The following RIT2 variants were observed in gnomAD, a reference collection of about 807,000 sequenced individuals.
RIT2 encodes Ras like without CAAX 2.
RIT2 carries 24 observed loss-of-function variants against 23.7 expected under a neutral mutation model. That is an observed-to-expected ratio of 1.01 (90% CI 0.73 to 1.43). RIT2 has a LOEUF of 1.43. Ranked by LOEUF, RIT2 falls within the 40% of genes most tolerant of loss-of-function variation. RIT2 has a pLI of 0.00. For missense variants in RIT2, 236 were observed against 266.9 expected (o/e 0.88, Z 0.81); for synonymous variants, 107 against 91.1 (o/e 1.17, Z -0.99).
In RIT2 at chr18:43,041,230, G is replaced by T. The variant is rs530128020; in HGVS notation, c.104-7363C>A. Reference sequence around the variant, plus strand: ...TTTATGGATACAAAGAAAGTGAAGAGTGTGTATGAGTAGAGAAGACATTGG... The same window carrying T: ...TTTATGGATACAAAGAAAGTGAAGATTGTGTATGAGTAGAGAAGACATTGG... On this transcript the variant is annotated intron_variant, in intron 1 of 4. Transcript: ENST00000326695. Among the ~76,000 whole-genome samples, 110 of 152,274 alleles carry T rather than the reference G, an allele frequency of 7.2e-4. No homozygotes were observed. The South Asian group carries it at 8.9e-3, about 12-fold the overall frequency.
At chr18:42,776,333 T>G (rs575175596) in intron 4 of RIT2, among the ~76,000 whole-genome samples, 4 of 152,310 alleles carry the variant, frequency 2.6e-5, no homozygotes, top group Admixed American at 2.6e-4. Context: ...AACCTGTAGT[T>G]AGCTCTTGAT....
At chr18:43,061,210 G>A (rs1912636840) in intron 1 of RIT2, among the ~76,000 whole-genome samples, 1 of 152,020 alleles carries the variant, frequency 6.6e-6, no homozygotes. Context: ...GGCTCTCTAA[G>A]ACATTTCAAG....
intron 4 of RIT2, among the ~76,000 whole-genome samples, chr18:42,814,812 C>A (rs999578193): frequency 6.6e-5 from 10 of 152,122 alleles, no homozygotes; most frequent in Admixed American, 1.3e-4. Flanking sequence ...TTACAGAGTC[C>A]ATTCTCCTCT....
intron 4 of RIT2, among the ~76,000 whole-genome samples, chr18:42,900,359 A>C (rs2144105590): frequency 6.6e-6 from 1 of 152,232 alleles, no homozygotes; most frequent in East Asian, 1.9e-4. Flanking sequence ...CTAAATGAAA[A>C]GTCAGGTTAT....
intron 4 of RIT2, among the ~76,000 whole-genome samples, chr18:42,886,261 G>A (rs1349284090): frequency 6.6e-6 from 1 of 152,106 alleles, no homozygotes; most frequent in Admixed American, 6.5e-5. Flanking sequence ...AGACAACAGA[G>A]GAATGAGTAC....
chr18:42,811,400 A>T lies in RIT2; in HGVS notation c.427-67680T>A, dbSNP rs535581186. Among the ~76,000 whole-genome samples the T allele has an allele frequency of 6.6e-5, 10 of 152,210 alleles. No individual in the cohort carries two copies. The South Asian group carries it at 8.3e-4, about 13-fold the overall frequency. On this transcript the variant is annotated intron_variant, in intron 4 of 4. Coordinates refer to ENST00000326695, the MANE Select transcript of RIT2 (RefSeq NM_002930.4). ...TAGGGCCACAGCCAGAAAACAAAGG[A>T]CTACACTAGTGTTGAATGGTTTTAC...
chr18:42,943,987 G>T (rs975570883), intron 3 of RIT2, among the ~76,000 whole-genome samples: 1 of 151,896 alleles, frequency 6.6e-6, no homozygotes, highest in African/African-American at 2.4e-5. Context: ...TTACTTTATT[G>T]CAATAGACTC....
chr18:43,061,538 C>A (rs1912645259), intron 1 of RIT2, among the ~76,000 whole-genome samples: 1 of 152,166 alleles, frequency 6.6e-6, no homozygotes, highest in Admixed American at 6.5e-5. Context: ...AGTCTAAAAA[C>A]TGAACTGCCA....
intron 4 of RIT2, among the ~76,000 whole-genome samples, chr18:42,816,349 T>C (rs1384850602): frequency 6.6e-6 from 1 of 152,204 alleles, no homozygotes; most frequent in East Asian, 1.9e-4. Flanking sequence ...CATGTCCTTC[T>C]GTATCTAGGG....
At chr18:42,957,868 G>A (rs1269097871) in intron 3 of RIT2, among the ~76,000 whole-genome samples, 1 of 152,048 alleles carries the variant, frequency 6.6e-6, no homozygotes, top group African/African-American at 2.4e-5. Flanking sequence ...GTATAAACTG[G>A]TTTGGAAGAA....
At position 42,975,707 on chromosome 18, in the gene RIT2, C is replaced by A. The variant is rs115194535; in HGVS notation, c.161-1560G>T. ...GGCCTGCCTTCTGAAAATCTTCATC[C>A]TTGGTCTGGGGCTCCACTACAGTTT... On this transcript the variant is annotated intron_variant, in intron 2 of 4. Transcript: ENST00000326695. 4.8e-3 allele frequency among the ~76,000 whole-genome samples: 734 copies of A among 152,162 alleles called. 8 individuals carry two copies. Among genetic ancestry groups the A allele is most frequent in the African/African-American group, 0.016 (680 of 41,536 alleles).
chr18:43,003,326 T>C (rs549004946), intron 2 of RIT2, among the ~76,000 whole-genome samples: 19 of 152,128 alleles, frequency 1.2e-4, no homozygotes, highest in Admixed American at 1.2e-3. Context: ...CTTAAAGGCA[T>C]TTTTAAATGA....
intron 4 of RIT2, among the ~76,000 whole-genome samples, chr18:42,841,095 T>A (rs1345254013): frequency 1.3e-5 from 2 of 152,168 alleles, no homozygotes; most frequent in Non-Finnish European, 2.9e-5. Flanking sequence ...ACAGAAGATG[T>A]GCTGGATTAG....
chr18:43,098,228 C>T (rs909066040), intron 1 of RIT2, among the ~76,000 whole-genome samples: 1 of 151,828 alleles, frequency 6.6e-6, no homozygotes, highest in East Asian at 1.9e-4. Context: ...TTAGAAAGTC[C>T]TTTTCTAAGG....
At chr18:42,891,732 G>T (rs373391243) in intron 4 of RIT2, among the ~76,000 whole-genome samples, 3 of 152,090 alleles carry the variant, frequency 2.0e-5, no homozygotes, top group Admixed American at 1.3e-4. Context: ...GGTTGCTAGG[G>T]GTAAAGGGGG....
chr18:43,024,945 T>C (rs935889570), intron 2 of RIT2, among the ~76,000 whole-genome samples: 1 of 152,000 alleles, frequency 6.6e-6, no homozygotes, highest in Admixed American at 6.6e-5. Context: ...CGGTGGCTCA[T>C]ACCTGTAATC....
intron 4 of RIT2, among the ~76,000 whole-genome samples, chr18:42,782,536 A>T (rs2143934194): frequency 6.6e-6 from 1 of 152,274 alleles, no homozygotes; most frequent in African/African-American, 2.4e-5. Flanking sequence ...AGTAGGTGGA[A>T]GGATAGGTAG....
At chr18:43,075,572 C>A (rs988369430) in intron 1 of RIT2, among the ~76,000 whole-genome samples, 5 of 152,120 alleles carry the variant, frequency 3.3e-5, no homozygotes, top group African/African-American at 9.7e-5. Context: ...AAATTGAATT[C>A]TGTCTTAAAA....
intron 3 of RIT2, among the ~76,000 whole-genome samples, chr18:42,935,136 A>G (rs1398566604): frequency 6.6e-6 from 1 of 152,176 alleles, no homozygotes; most frequent in African/African-American, 2.4e-5. Context: ...CCTTTCCCCT[A>G]CATTATCAGT....
Sources: gnomAD v4.1 joint callset for allele counts (sites outside exome capture counted in the v4.1 genomes callset) on GRCh38, gnomAD v4.1.1 for gene constraint, MANE v1.5 for transcripts, NCBI Gene and HGNC (gene_info 2026-07-23, HGNC 2026-07-21) for gene names.